BTN2A1: variants seen among roughly 807,000 people sequenced by gnomAD.
BTN2A1 encodes butyrophilin subfamily 2 member A1.
A neutral mutation model predicts 34.5 loss-of-function variants in BTN2A1; 41 were observed. That is an observed-to-expected ratio of 1.19 (90% CI 0.93 to 1.54). The LOEUF (loss-of-function observed/expected upper bound fraction) is 1.54. BTN2A1 is among the 40% of genes most tolerant of loss of function. BTN2A1 has a pLI of 0.00. For missense variants in BTN2A1, 642 were observed against 662.0 expected (o/e 0.97, Z 0.33); for synonymous variants, 267 against 258.6 (o/e 1.03, Z -0.31).
Position 26,476,313 on chromosome 6 carries a change from T to A in BTN2A1, c.*181T>A, listed in dbSNP as rs1212842312. ...CCCATCGCTCTCTCCTGTCTATTCA[T>A]CAGCTAGGCTGAAGCTCCTGACAGA... On this transcript the variant is annotated 3_prime_UTR_variant, in exon 8 of 8. Coordinates refer to the BTN2A1 transcript ENST00000469185. 12 of 841,128 alleles carry A rather than the reference T, an allele frequency of 1.4e-5. No individual in the cohort carries two copies. The South Asian group carries it at 1.6e-4, about 11-fold the overall frequency. The allele number at this position is 841,128 out of a possible 1,614,324, so 52.1% of individuals were successfully genotyped here. A position where few individuals can be genotyped will look rare whatever the true frequency, so the allele number is the denominator to read the frequency against.
intron 4 of BTN2A1, among the ~76,000 whole-genome samples, chr6:26,463,742 C>A (rs1360196478): frequency 7.0e-6 from 1 of 143,130 alleles, no homozygotes; most frequent in Non-Finnish European, 1.5e-5. Context: ...TGAGGGTAAA[C>A]CTGTTTTTGT....
Position 26,463,242 on chromosome 6 carries a change from A to T in BTN2A1, c.431-2A>T, listed in dbSNP as rs141872320. ...TGCCTGAACCCTGATATCTCTCCACAGGACTAGGCTCTAAGCCCCTCATTT... is the reference window on the plus strand; with the variant it reads ...TGCCTGAACCCTGATATCTCTCCACTGGACTAGGCTCTAAGCCCCTCATTT... On this transcript the variant is annotated splice_acceptor_variant, in intron 3 of 7. Coordinates refer to ENST00000312541, the MANE Select transcript of BTN2A1 (RefSeq NM_007049.5). LOFTEE classifies it high-confidence loss of function. 6.3e-7 allele frequency: 1 copy of T among 1,579,870 alleles called. No homozygotes were observed. Among genetic ancestry groups the T allele is most frequent in the African/African-American group, 1.4e-5 (1 of 73,074 alleles).
In BTN2A1 at chr6:26,459,604, C is replaced by G. The variant is rs1032144844; in HGVS notation, c.206C>G (p.Ser69Cys). ...AEDMEVRWFR[S>C]QFSPAVFVYK... ...GACATGGAGGTGCGGTGGTTCCGGT[C>G]TCAGTTCTCCCCCGCAGTGTTTGTG... is the stretch of plus-strand genomic sequence containing the variant. The change falls in exon 3 of 8, where the codon TCT becomes TGT. Residue 69 changes from serine (S) to cysteine (C), a missense_variant. Ser to Cys is a moderately radical substitution (Grantham distance 112). Coordinates refer to ENST00000312541, the MANE Select transcript of BTN2A1 (RefSeq NM_007049.5). 1.9e-6 allele frequency: 3 copies of G among 1,613,828 alleles called. No homozygotes were observed. The highest frequency in any genetic ancestry group is 1.7e-5 in the Admixed American group (1 of 59,982).
intron 3 of BTN2A1, among the ~76,000 whole-genome samples, chr6:26,461,880 GC>G (rs1437797847): frequency 6.6e-6 from 1 of 152,036 alleles, no homozygotes; most frequent in East Asian, 1.9e-4. Context: ...AAGTAGCTGG[GC>G]ATGGTGGCAC....
chr6:26,458,734 A>G lies in BTN2A1; in HGVS notation c.82+16A>G. 6.2e-7 allele frequency: 1 copy of G among 1,613,082 alleles called. No homozygotes were observed. Among genetic ancestry groups the G allele is most frequent in the Non-Finnish European group, 8.5e-7 (1 of 1,179,132 alleles). ...CTGGTCTCAGGTAGGGATGTGTGCC[A>G]CTTGCTGCTGTCACCTATCAGAAAG... is the stretch of plus-strand genomic sequence containing the variant. On this transcript the variant is annotated intron_variant, in intron 2 of 7. Transcript: ENST00000312541.
At chr6:26,460,486 C>T (rs1310073327) in intron 3 of BTN2A1, among the ~76,000 whole-genome samples, 1 of 152,108 alleles carries the variant, frequency 6.6e-6, no homozygotes, top group African/African-American at 2.4e-5. Flanking sequence ...AGAAAGACTA[C>T]GAATTTTGCT....
chr6:26,459,563 C>T lies in BTN2A1; in HGVS notation c.165C>T (p.Pro55=), dbSNP rs72500817. 8,211 of 1,613,954 alleles carry T rather than the reference C, an allele frequency of 5.1e-3. 167 individuals carry two copies. Among genetic ancestry groups the T allele is most frequent in the South Asian group, 0.037 (3,389 of 91,072 alleles). Residue 55 remains proline (P), a synonymous_variant, in exon 3 of 8, where the codon CCC becomes CCT. Coordinates refer to ENST00000312541, the MANE Select transcript of BTN2A1 (RefSeq NM_007049.5). ...CTACGTTACGCTGCCATCTGTCACCCGAGAAAAATGCTGAGGACATGGAGG... is the reference window on the plus strand; with the variant it reads ...CTACGTTACGCTGCCATCTGTCACCTGAGAAAAATGCTGAGGACATGGAGG... The part of the protein sequence containing the change: ...ENTTLRCHLS[P]EKNAEDMEVR...
chr6:26,458,546 T>C, intron 1 of BTN2A1, 61 bp from the exon 2 acceptor site: 2 of 1,385,950 alleles, frequency 1.4e-6, no homozygotes, highest in South Asian at 1.2e-5. Context: ...ACGGGAGAGG[T>C]TGGGCCCGAC....
intron 1 of BTN2A1, 98 bp downstream of exon 1, chr6:26,458,240 GA>G (rs1338067971): frequency 9.2e-6 from 2 of 218,196 alleles, no homozygotes; most frequent in Admixed American, 5.4e-5. Context: ...CTGGGACAGG[GA>G]AAGCCCACCG....
chr6:26,467,067 CCTT>C lies in BTN2A1; in HGVS notation c.983-876_983-874del, dbSNP rs1446995829. ...GTTTTCTTTTGGGGACATTTATTCT[CCTT>C]CTTCATTTTTTGAAGGGTGCCCTTG... On this transcript the variant is annotated intron_variant, in intron 7 of 7. Transcript: ENST00000312541. Among the ~76,000 whole-genome samples, 9 of 152,154 alleles carry C rather than the reference CCTT, an allele frequency of 5.9e-5. No individual in the cohort carries two copies. The South Asian group carries it at 6.2e-4, about 10-fold the overall frequency.
chr6:26,470,144 T>TC (rs1410903186), downstream of BTN2A1, among the ~76,000 whole-genome samples: 1 of 152,106 alleles, frequency 6.6e-6, no homozygotes, highest in Non-Finnish European at 1.5e-5. Flanking sequence ...GGTCAGGAGT[T>TC]CAAGACCAGC....
At chr6:26,466,455 G>C (rs1158386962) in intron 7 of BTN2A1, among the ~76,000 whole-genome samples, 2 of 152,148 alleles carry the variant, frequency 1.3e-5, no homozygotes. Flanking sequence ...TTATATCCTG[G>C]GGATGGTGTA....
intron 7 of BTN2A1, among the ~76,000 whole-genome samples, chr6:26,475,828 G>T (rs1167558576): frequency 6.6e-6 from 1 of 152,106 alleles, no homozygotes; most frequent in Non-Finnish European, 1.5e-5. Flanking sequence ...GCAAACAGAA[G>T]AGCATTTATG....
intron 7 of BTN2A1, among the ~76,000 whole-genome samples, chr6:26,474,956 G>A (rs1485225266): frequency 6.6e-6 from 1 of 151,960 alleles, no homozygotes; most frequent in Admixed American, 6.6e-5. Context: ...CACCATGTTG[G>A]CCAGGCTGGC....
Position 26,468,444 on chromosome 6 carries a change from G to A in BTN2A1, c.1479G>A (p.Glu493=), listed in dbSNP as rs764973330. Residue 493 remains glutamate, a synonymous_variant, in exon 8 of 8, where the codon GAG becomes GAA. Transcript: ENST00000312541. Reference sequence around the variant, plus strand: ...GGCCCTTCTTCAGGTTGGGGTGTGAGGACAGCCCCATCTTCATCTGCCCTG... The same window carrying A: ...GGCCCTTCTTCAGGTTGGGGTGTGAAGACAGCCCCATCTTCATCTGCCCTG... ...PVRPFFRLGC[E]DSPIFICPAL... 5.6e-6 allele frequency: 9 copies of A among 1,614,134 alleles called. No individual in the cohort carries two copies. The highest frequency in any genetic ancestry group is 1.6e-4 in the Middle Eastern group (1 of 6,062).
At position 26,463,320 on chromosome 6, in the gene BTN2A1, G is replaced by A. The variant is rs766274932; in HGVS notation, c.507G>A (p.Gly169=). The A allele has an allele frequency of 1.2e-5, 20 of 1,613,918 alleles. No individual in the cohort carries two copies. The Admixed American group carries it at 3.2e-4, about 26-fold the overall frequency. ...GGIRLECISR[G]WYPKPLTVWR... The stretch of plus-strand genomic sequence containing the variant: ...TCCGGCTGGAGTGCATATCTAGAGG[G>A]TGGTACCCAAAGCCCCTCACAGTGT... The change falls in exon 4 of 8, where the codon GGG becomes GGA. Residue 169 remains glycine (G), a synonymous_variant. Transcript: ENST00000312541.
At chr6:26,476,107 C>T in intron 7 of BTN2A1, 4 of 1,535,152 alleles carry the variant, frequency 2.6e-6, no homozygotes, top group Non-Finnish European at 3.5e-6. Context: ...TCCTATGTCT[C>T]CTTTTGAGTT....
At chr6:26,462,809 C>T in intron 3 of BTN2A1, 1 of 1,286,224 alleles carries the variant, frequency 7.8e-7, no homozygotes, top group Non-Finnish European at 1.0e-6. Flanking sequence ...CTTCTGGAAG[C>T]TGAGGTCTAC....
chr6:26,470,010 A>G (rs528390212), downstream of BTN2A1, among the ~76,000 whole-genome samples: 74 of 152,184 alleles, frequency 4.9e-4, no homozygotes, highest in South Asian at 2.9e-3. Context: ...TGATCCTGCC[A>G]TTGCACTCCA....
Sources: gnomAD v4.1 joint callset for allele counts (sites outside exome capture counted in the v4.1 genomes callset) on GRCh38, gnomAD v4.1.1 for gene constraint, MANE v1.5 for transcripts, NCBI Gene and HGNC (gene_info 2026-07-23, HGNC 2026-07-21) for gene names.